CD47: variants seen among roughly 807,000 people sequenced by gnomAD.
CD47 encodes leukocyte surface antigen CD47.
CD47 carries 11 observed loss-of-function variants against 44.6 expected under a neutral mutation model. The ratio of observed to expected loss-of-function variants is 0.25; its 90% CI spans 0.16 to 0.41. The LOEUF (loss-of-function observed/expected upper bound fraction) is 0.41. Among genes scored for constraint, CD47 ranks in the 10% least tolerant of loss-of-function variants. The pLI is 1.00. For missense variants in CD47, 306 were observed against 386.7 expected (o/e 0.79, Z 1.75); for synonymous variants, 140 against 136.3 (o/e 1.03, Z -0.19).
chr3:108,052,539 T>C (rs931880114), intron 7 of CD47: 7 of 152,834 alleles, frequency 4.6e-5, no homozygotes, highest in African/African-American at 1.7e-4. Flanking sequence ...GTTGCCTTTT[T>C]CACTGCTTCC....
intron 1 of CD47, 94 bp from the exon 2 acceptor site, chr3:108,080,438 T>C: frequency 1.5e-6 from 1 of 656,946 alleles, no homozygotes; most frequent in East Asian, 2.7e-5. Context: ...AACAGCAACA[T>C]TTCCATTGTT....
At chr3:108,052,286 C>G (rs1004205828) in intron 7 of CD47, 2 of 274,488 alleles carry the variant, frequency 7.3e-6, no homozygotes, top group Non-Finnish European at 1.4e-5. Context: ...CCAACATACC[C>G]CCACCATGGG....
At chr3:108,068,816 T>C (rs1177883123) in intron 3 of CD47, among the ~76,000 whole-genome samples, 1 of 152,196 alleles carries the variant, frequency 6.6e-6, no homozygotes, top group African/African-American at 2.4e-5. Flanking sequence ...CATCAACACC[T>C]TTAAATGTGA....
intron 7 of CD47, chr3:108,052,655 A>T (rs1322187015): frequency 6.6e-6 from 1 of 152,052 alleles, no homozygotes; most frequent in Non-Finnish European, 1.5e-5. Flanking sequence ...GCTTCCTTAT[A>T]AAAAAAACAA....
chr3:108,055,525 C>T (rs1294964655), intron 7 of CD47: 1 of 1,302,852 alleles, frequency 7.7e-7, no homozygotes, highest in Admixed American at 2.3e-5. Flanking sequence ...TGTACCTTGT[C>T]TCTTCTTGCC....
intron 1 of CD47, among the ~76,000 whole-genome samples, chr3:108,088,050 T>C (rs1248928247): frequency 2.0e-5 from 3 of 152,210 alleles, no homozygotes; most frequent in Non-Finnish European, 4.4e-5. Context: ...GACGATATTA[T>C]TAAAATCAGA....
chr3:108,090,802 C>A (rs1346728882), intron 1 of CD47, 61 bp downstream of exon 1: 1 of 1,423,926 alleles, frequency 7.0e-7, no homozygotes. Flanking sequence ...GGGGCGCAGC[C>A]CACACGCCCG....
chr3:108,076,071 T>G (rs2079305225), intron 2 of CD47, among the ~76,000 whole-genome samples: 1 of 152,200 alleles, frequency 6.6e-6, no homozygotes, highest in African/African-American at 2.4e-5. Flanking sequence ...AAACTCCAAA[T>G]AAAGTATGCC....
At chr3:108,059,577 C>A in intron 4 of CD47, 33 bp from the exon 5 acceptor site, 1 of 1,119,934 alleles carries the variant, frequency 8.9e-7, no homozygotes, top group South Asian at 1.5e-5. Context: ...AAAATATTTT[C>A]CTACATACTT....
intron 7 of CD47, among the ~76,000 whole-genome samples, chr3:108,056,410 AATC>A (rs1380490558): frequency 6.6e-6 from 1 of 152,214 alleles, no homozygotes; most frequent in Non-Finnish European, 1.5e-5. Flanking sequence ...TTCAATTAAC[AATC>A]ATCAAGAACC....
chr3:108,080,576 T>C (rs968497357), intron 1 of CD47, among the ~76,000 whole-genome samples: 2 of 151,944 alleles, frequency 1.3e-5, no homozygotes, highest in African/African-American at 4.8e-5. Context: ...TTCTCAATAA[T>C]ACAAAGTATA....
intron 3 of CD47, among the ~76,000 whole-genome samples, chr3:108,065,950 A>G (rs928473713): frequency 1.3e-5 from 2 of 151,254 alleles, no homozygotes; most frequent in African/African-American, 4.9e-5. Flanking sequence ...ACTTTCTTGG[A>G]TGGAAATTTC....
At position 108,080,348 on chromosome 3, in the gene CD47, G is replaced by A. The variant is rs745916442; in HGVS notation, c.47-4C>T. The A allele has an allele frequency of 6.7e-7, 1 of 1,488,556 alleles. No individual in the cohort carries two copies. The allele number at this position is 1,488,556 out of a possible 1,614,324, so 92.2% of individuals were successfully genotyped here. A position where few individuals can be genotyped will look rare whatever the true frequency, so the allele number is the denominator to read the frequency against. On this transcript the variant is annotated splice_region_variant and splice_polypyrimidine_tract_variant and intron_variant, in intron 1 of 10. Coordinates refer to ENST00000361309, the MANE Select transcript of CD47 (RefSeq NM_001777.4). Reference sequence around the variant, plus strand: ...TTAAATAGTAGCTGAGCTGATCCTGGAAAGGAAAAAGAAAAATGTTTCATT... The same window carrying A: ...TTAAATAGTAGCTGAGCTGATCCTGAAAAGGAAAAAGAAAAATGTTTCATT...
Position 108,049,486 on chromosome 3 carries a change from C to T in CD47, c.967+133G>A, listed in dbSNP as rs2078784717. 13 of 696,046 alleles carry T rather than the reference C, an allele frequency of 1.9e-5. 1 individual carries two copies. Among genetic ancestry groups the T allele is most frequent in the Admixed American group, 7.4e-5 (3 of 40,460 alleles). 43.1% of individuals were successfully genotyped at this position (696,046 alleles called of 1,614,324 possible). ...CAAAGTAGATTTAAGTTGTATACAT[C>T]AAGAAATGTGAACCTTTATCATCTG... On this transcript the variant is annotated intron_variant, in intron 10 of 10. Coordinates refer to ENST00000361309, the MANE Select transcript of CD47 (RefSeq NM_001777.4).
intron 2 of CD47, among the ~76,000 whole-genome samples, chr3:108,078,394 A>T (rs975644245): frequency 3.3e-5 from 5 of 151,862 alleles, no homozygotes; most frequent in African/African-American, 2.4e-5. Flanking sequence ...TCTTCATTTC[A>T]TCTTCTGGCC....
chr3:108,069,407 TA>T (rs997010573), intron 3 of CD47, among the ~76,000 whole-genome samples: 2 of 150,192 alleles, frequency 1.3e-5, no homozygotes, highest in African/African-American at 2.5e-5. Context: ...TACCTTTTTT[TA>T]AAAAAAAGAT....
intron 10 of CD47, 48 bp downstream of exon 10, chr3:108,049,570 TG>T (rs775696060): frequency 2.3e-5 from 27 of 1,176,362 alleles, no homozygotes; most frequent in Non-Finnish European, 3.1e-5. Context: ...TGTTTTCCAA[TG>T]TCCATGTTTT....
chr3:108,072,768 G>T (rs1232190103), intron 2 of CD47, among the ~76,000 whole-genome samples: 1 of 152,138 alleles, frequency 6.6e-6, no homozygotes, highest in African/African-American at 2.4e-5. Flanking sequence ...AATGGATTTG[G>T]TAAGGCTGTA....
chr3:108,059,788 C>T (rs1424993890), intron 4 of CD47, among the ~76,000 whole-genome samples: 2 of 152,166 alleles, frequency 1.3e-5, no homozygotes, highest in Non-Finnish European at 2.9e-5. Context: ...TTACAGAATT[C>T]CAGTGAGAAA....
Sources: allele counts gnomAD v4.1 joint callset (sites outside exome capture counted in the v4.1 genomes callset), GRCh38; gene constraint gnomAD v4.1.1; transcripts MANE v1.5; gene names NCBI Gene and HGNC (gene_info 2026-07-23, HGNC 2026-07-21).